PTPRK: variants seen among roughly 807,000 people sequenced by gnomAD.
PTPRK encodes the protein protein tyrosine phosphatase receptor type K, also known as receptor-type tyrosine-protein phosphatase kappa.
PTPRK carries 75 observed loss-of-function variants against 178.0 expected under a neutral mutation model. The observed-to-expected ratio is 0.42, with a 90% confidence interval of 0.35 to 0.51. The LOEUF (loss-of-function observed/expected upper bound fraction) is 0.51. Among genes scored for constraint, PTPRK ranks in the 20% least tolerant of loss-of-function variants. The probability of loss-of-function intolerance (pLI) is 0.02; values close to 1 mark genes in which losing one functional copy is unlikely to be tolerated. For missense variants in PTPRK, 1,441 were observed against 1,797.8 expected, an observed-to-expected ratio of 0.80 and a Z score of 3.59; for synonymous variants, 637 against 620.6, an observed-to-expected ratio of 1.03 and a Z score of -0.39.
intron 1 of PTPRK, among the ~76,000 whole-genome samples, chr6:128,481,225 T>G (rs1284426783): frequency 6.6e-6 from 1 of 152,196 alleles, no homozygotes; most frequent in Admixed American, 6.5e-5. Flanking sequence ...GTCTTTAATT[T>G]CATTCAGCTG....
In PTPRK at chr6:128,507,191, T is replaced by C. The variant is rs181071291; in HGVS notation, c.100+13068A>G. ...TGTGTGGAGATCAGCATTTGATAAG[T>C]ATTCTTTTGCTTAAACACAAAATGG... On this transcript the variant is annotated intron_variant, in intron 1 of 29. Transcript: ENST00000368226. 2.0e-3 allele frequency among the ~76,000 whole-genome samples: 299 copies of C among 152,296 alleles called. 1 individual carries two copies. The highest frequency in any genetic ancestry group is 6.6e-3 in the African/African-American group (275 of 41,576).
At chr6:128,428,560 A>G (rs1844453044) in intron 1 of PTPRK, among the ~76,000 whole-genome samples, 1 of 152,204 alleles carries the variant, frequency 6.6e-6, no homozygotes, top group Admixed American at 6.5e-5. Context: ...AGGAACTAGG[A>G]TGACTGGAAG....
intron 6 of PTPRK, among the ~76,000 whole-genome samples, chr6:128,208,747 A>G (rs904947219): frequency 6.6e-6 from 1 of 152,264 alleles, no homozygotes. Flanking sequence ...ATTTCTATGC[A>G]CTAAGCACCT....
chr6:128,225,949 C>T lies in PTPRK; in HGVS notation c.694-6853G>A, dbSNP rs1562823828. ...AAAGATGTGCTGGAGATAGCAAATA[C>T]TAGAATCAGATTAATCAAGTGTAAC... On this transcript the variant is annotated intron_variant, in intron 5 of 29. Transcript: ENST00000368226. Among the ~76,000 whole-genome samples, 6 of 152,130 alleles carry T rather than the reference C, an allele frequency of 3.9e-5. No homozygotes were observed. In the South Asian group the frequency reaches 1.2e-3, roughly 32 times the overall value.
At chr6:128,502,448 A>T (rs1855700013) in intron 1 of PTPRK, among the ~76,000 whole-genome samples, 1 of 152,212 alleles carries the variant, frequency 6.6e-6, no homozygotes, top group South Asian at 2.1e-4. Flanking sequence ...GGAGTTTCAA[A>T]ATGGACCAGG....
At chr6:128,341,047 T>G (rs945079417) in intron 2 of PTPRK, among the ~76,000 whole-genome samples, 1 of 152,166 alleles carries the variant, frequency 6.6e-6, no homozygotes, top group Non-Finnish European at 1.5e-5. Flanking sequence ...ACAATATCTG[T>G]GCTTTAAAAA....
intron 7 of PTPRK, among the ~76,000 whole-genome samples, chr6:128,140,692 G>A (rs1795653962): frequency 6.6e-6 from 1 of 151,870 alleles, no homozygotes; most frequent in Non-Finnish European, 1.5e-5. Flanking sequence ...ATTTTCAGAA[G>A]AAAAGGCCAG....
intron 5 of PTPRK, chr6:128,235,473 T>C (rs1232608038): frequency 2.8e-6 from 1 of 351,668 alleles, no homozygotes; most frequent in Non-Finnish European, 6.1e-6. Context: ...AGTAGAGCTT[T>C]ATCATAGCTT....
intron 3 of PTPRK, among the ~76,000 whole-genome samples, chr6:128,300,425 A>G (rs1311005178): frequency 6.6e-6 from 1 of 152,072 alleles, no homozygotes; most frequent in Non-Finnish European, 1.5e-5. Flanking sequence ...ATACACACGT[A>G]TGTTTATTGC....
At chr6:128,222,947 C>T (rs1354368560) in intron 5 of PTPRK, among the ~76,000 whole-genome samples, 3 of 152,250 alleles carry the variant, frequency 2.0e-5, no homozygotes, top group Non-Finnish European at 4.4e-5. Flanking sequence ...GCCTCAAGTT[C>T]GCATTCCATC....
intron 1 of PTPRK, among the ~76,000 whole-genome samples, chr6:128,398,487 C>T (rs746762641): frequency 6.6e-6 from 1 of 152,084 alleles, no homozygotes; most frequent in South Asian, 2.1e-4. Context: ...GAGTCTAAAT[C>T]GTTTTTAGTA....
intron 7 of PTPRK, among the ~76,000 whole-genome samples, chr6:128,145,636 T>G (rs961797503): frequency 3.9e-5 from 6 of 152,062 alleles, no homozygotes; most frequent in Non-Finnish European, 7.4e-5. Flanking sequence ...AAAACAACAG[T>G]GCCAAGTGTA....
At chr6:128,485,880 T>A (rs1310264883) in intron 1 of PTPRK, among the ~76,000 whole-genome samples, 1 of 152,200 alleles carries the variant, frequency 6.6e-6, no homozygotes, top group Non-Finnish European at 1.5e-5. Context: ...TCAGCGTCTT[T>A]CTTGAGTGAT....
intron 15 of PTPRK, among the ~76,000 whole-genome samples, chr6:128,004,374 C>T (rs899252552): frequency 6.6e-6 from 1 of 151,768 alleles, no homozygotes; most frequent in African/African-American, 2.4e-5. Context: ...TGAAAATAAA[C>T]AGTAATATTG....
chr6:127,992,857 C>T (rs1776757476), intron 18 of PTPRK, 148 bp from the exon 19 acceptor site: 3 of 547,930 alleles, frequency 5.5e-6, no homozygotes, highest in Admixed American at 3.7e-5. Context: ...GTTCACTTCT[C>T]AAACCTATGT....
intron 7 of PTPRK, among the ~76,000 whole-genome samples, chr6:128,150,310 T>C (rs1056888161): frequency 5.3e-5 from 8 of 152,116 alleles, no homozygotes; most frequent in African/African-American, 1.2e-4. Context: ...CACAAATACA[T>C]AGTGGTCAAT....
chr6:128,518,205 T>C (rs1858382097), intron 1 of PTPRK, among the ~76,000 whole-genome samples: 1 of 152,192 alleles, frequency 6.6e-6, no homozygotes, highest in Non-Finnish European at 1.5e-5. Context: ...GAATGCACAT[T>C]ATATTAATTA....
chr6:128,474,505 G>A (rs975040988), intron 1 of PTPRK, among the ~76,000 whole-genome samples: 5 of 152,042 alleles, frequency 3.3e-5, no homozygotes, highest in African/African-American at 1.2e-4. Flanking sequence ...GCAAGGAGTT[G>A]GCAACATATG....
rs555670524 is a variant in PTPRK at position 128,389,052 on chromosome 6, T to C, written c.223+8514A>G. 1.7e-3 allele frequency among the ~76,000 whole-genome samples: 257 copies of C among 152,252 alleles called. 2 individuals carry two copies. The highest frequency in any genetic ancestry group is 3.1e-3 in the Non-Finnish European group (208 of 67,980). On this transcript the variant is annotated intron_variant, in intron 2 of 29. Coordinates refer to ENST00000368226, the MANE Select transcript of PTPRK (RefSeq NM_002844.4). Reference sequence around the variant, plus strand: ...AACCTAGAAAAAGCAAGCCAGCGTCTTTTTAATCAGCATGGCTAGGTGGAG... The same window carrying C: ...AACCTAGAAAAAGCAAGCCAGCGTCCTTTTAATCAGCATGGCTAGGTGGAG...
Sources: gnomAD v4.1 joint callset for allele counts (sites outside exome capture counted in the v4.1 genomes callset) on GRCh38, gnomAD v4.1.1 for gene constraint, MANE v1.5 for transcripts, NCBI Gene and HGNC (gene_info 2026-07-23, HGNC 2026-07-21) for gene names.